FGD4: variants seen among roughly 807,000 people sequenced by gnomAD.
FGD4 encodes FYVE, RhoGEF and PH domain-containing protein 4.
Under a neutral mutation model 102.0 loss-of-function variants are expected in FGD4, and 42 were observed. That is an observed-to-expected ratio of 0.41 (90% confidence interval 0.32 to 0.53). FGD4 has a LOEUF of 0.53. Ranked by LOEUF, FGD4 falls within the 20% of genes least tolerant of loss-of-function variation. The pLI, the probability that FGD4 is intolerant of heterozygous loss-of-function variation, is 0.21. For missense variants in FGD4, 902 were observed against 1,078.2 expected (o/e 0.84, Z 2.29); for synonymous variants, 380 against 375.7 (o/e 1.01, Z -0.13).
At chr12:32,518,740 A>G (rs1940166945) in intron 1 of FGD4, among the ~76,000 whole-genome samples, 1 of 152,134 alleles carries the variant, frequency 6.6e-6, no homozygotes, top group Non-Finnish European at 1.5e-5. Flanking sequence ...AGTGACCACA[A>G]ACATCATAAG....
intron 1 of FGD4, among the ~76,000 whole-genome samples, chr12:32,449,603 T>C (rs2728714): frequency 6.6e-6 from 1 of 152,244 alleles, no homozygotes; most frequent in African/African-American, 2.4e-5. Context: ...ATGATTTCTG[T>C]TTGTCCCATT....
chr12:32,563,986 C>T (rs1167525757), intron 1 of FGD4, 151 bp from the exon 2 acceptor site: 10 of 731,334 alleles, frequency 1.4e-5, no homozygotes, highest in Non-Finnish European at 2.0e-5. Context: ...CAGAGGGAGA[C>T]CGTGGAAAGA....
intron 14 of FGD4, among the ~76,000 whole-genome samples, chr12:32,631,386 C>T (rs1011906204): frequency 2.6e-5 from 4 of 152,098 alleles, no homozygotes; most frequent in Non-Finnish European, 4.4e-5. Flanking sequence ...TATTTGTGTG[C>T]TTAAGTGCAA....
At chr12:32,578,758 G>C (rs1307091028) in intron 3 of FGD4, among the ~76,000 whole-genome samples, 1 of 151,918 alleles carries the variant, frequency 6.6e-6, no homozygotes, top group Non-Finnish European at 1.5e-5. Context: ...TGAGCCCCAG[G>C]AGGTCAAGGC....
At chr12:32,424,071 T>C (rs1373328716) in intron 1 of FGD4, among the ~76,000 whole-genome samples, 1 of 152,130 alleles carries the variant, frequency 6.6e-6, no homozygotes, top group African/African-American at 2.4e-5. Flanking sequence ...GCTATTTATT[T>C]ATTTATTTTT....
chr12:32,527,159 T>C (rs967198157), intron 1 of FGD4, among the ~76,000 whole-genome samples: 14 of 152,218 alleles, frequency 9.2e-5, no homozygotes, highest in African/African-American at 2.9e-4. Context: ...TGTGCAGATA[T>C]GGAGAAATTT....
intron 1 of FGD4, among the ~76,000 whole-genome samples, chr12:32,435,025 C>T (rs1399831381): frequency 6.6e-6 from 1 of 151,854 alleles, no homozygotes; most frequent in African/African-American, 2.4e-5. Context: ...CTCACCGCTA[C>T]CTCTGCCTCC....
intron 1 of FGD4, among the ~76,000 whole-genome samples, chr12:32,535,611 A>G (rs1942178507): frequency 6.6e-6 from 1 of 150,444 alleles, no homozygotes; most frequent in Non-Finnish European, 1.5e-5. Flanking sequence ...TCTCTCCAAA[A>G]TTTACCATCA....
At chr12:32,618,331 A>G (rs750917553) in intron 10 of FGD4, among the ~76,000 whole-genome samples, 2 of 152,210 alleles carry the variant, frequency 1.3e-5, no homozygotes, top group Non-Finnish European at 2.9e-5. Flanking sequence ...CACAGCTTCA[A>G]CCAAATATCC....
Position 32,449,880 on chromosome 12 carries a change from A to G in FGD4, c.166+49921A>G, listed in dbSNP as rs1276985349. On this transcript the variant is annotated intron_variant, in intron 1 of 16. Coordinates refer to ENST00000534526, the MANE Select transcript of FGD4 (RefSeq NM_001370298.3). ...TAGTCTCCCAAGTAGCTGGTTCCAC[A>G]GGCATGTACCACTATGCCCAGCTAA... Among the ~76,000 whole-genome samples the G allele has an allele frequency of 2.6e-5, 4 of 152,078 alleles. No individual in the cohort carries two copies. In the South Asian group the frequency reaches 6.2e-4, roughly 24 times the overall value.
intron 1 of FGD4, among the ~76,000 whole-genome samples, chr12:32,474,235 C>T (rs1013196917): frequency 3.9e-5 from 6 of 152,124 alleles, no homozygotes; most frequent in Admixed American, 3.3e-4. Context: ...TATGACCCAG[C>T]AATTCTGTAC....
intron 1 of FGD4, among the ~76,000 whole-genome samples, chr12:32,534,863 T>A (rs1347766687): frequency 6.6e-6 from 1 of 152,222 alleles, no homozygotes; most frequent in African/African-American, 2.4e-5. Context: ...TAAGAAATAT[T>A]TACCACTAAT....
At chr12:32,536,662 G>A (rs551262868) in intron 1 of FGD4, among the ~76,000 whole-genome samples, 276 of 152,286 alleles carry the variant, frequency 1.8e-3, no homozygotes, top group African/African-American at 6.2e-3. Context: ...ACACAAGTTA[G>A]TTGGTTATAC....
intron 1 of FGD4, among the ~76,000 whole-genome samples, chr12:32,411,490 C>T (rs1250526177): frequency 5.9e-5 from 9 of 151,820 alleles, no homozygotes; most frequent in Non-Finnish European, 8.8e-5. Flanking sequence ...GGCGAGATCG[C>T]GCCGCCACAC....
At chr12:32,486,038 TAGTTTC>T (rs1943889374) in intron 1 of FGD4, 1 of 1,483,562 alleles carries the variant, frequency 6.7e-7, no homozygotes, top group Non-Finnish European at 8.9e-7. Context: ...AGAATGCCTA[TAGTTTC>T]TACCAACAAA....
chr12:32,461,092 C>CACAGATGTACAGAATG (rs1943093840), intron 1 of FGD4, among the ~76,000 whole-genome samples: 1 of 152,090 alleles, frequency 6.6e-6, no homozygotes, highest in African/African-American at 2.4e-5. Flanking sequence ...ATCTGTGGTC[C>CACAGATGTACAGAATG]ATAACTTATT....
chr12:32,422,093 G>A (rs1941650161), intron 1 of FGD4, among the ~76,000 whole-genome samples: 1 of 148,226 alleles, frequency 6.7e-6, no homozygotes, highest in Non-Finnish European at 1.5e-5. Flanking sequence ...GCAGTGAGCC[G>A]AAATCATGCC....
chr12:32,546,976 GC>G (rs1943274331), intron 1 of FGD4, among the ~76,000 whole-genome samples: 1 of 152,250 alleles, frequency 6.6e-6, no homozygotes, highest in East Asian at 1.9e-4. Flanking sequence ...TTTGTTTGAT[GC>G]CCTGGGTATT....
chr12:32,546,711 G>T (rs1943250654), intron 1 of FGD4, among the ~76,000 whole-genome samples: 1 of 152,232 alleles, frequency 6.6e-6, no homozygotes, highest in Non-Finnish European at 1.5e-5. Flanking sequence ...GTGCCCACTG[G>T]TTTCCAAAGA....
Sources: allele counts gnomAD v4.1 joint callset (sites outside exome capture counted in the v4.1 genomes callset), GRCh38; gene constraint gnomAD v4.1.1; transcripts MANE v1.5; gene names NCBI Gene and HGNC (gene_info 2026-07-23, HGNC 2026-07-21).